The following DNAH2 variants were observed in gnomAD, a reference collection of about 807,000 sequenced individuals.
DNAH2 encodes the protein axonemal beta dynein heavy chain 2.
Under a neutral mutation model 523.5 loss-of-function variants are expected in DNAH2, and 323 were observed. The observed-to-expected ratio is 0.62, with a 90% CI of 0.56 to 0.68. DNAH2 has a LOEUF of 0.68. Ranked by LOEUF, DNAH2 falls within the 30% of genes least tolerant of loss-of-function variation. DNAH2 has a pLI of 0.00. For missense variants in DNAH2, 4,907 were observed against 5,701.5 expected (o/e 0.86, Z 4.49); for synonymous variants, 2,093 against 2,177.4 (o/e 0.96, Z 1.08).
intron 33 of DNAH2, 62 bp downstream of exon 33, chr17:7,777,696 A>C: frequency 9.5e-6 from 15 of 1,587,238 alleles, no homozygotes; most frequent in Admixed American, 1.7e-5. Context: ...CTTTTATTGC[A>C]TCCATGTTCT....
In DNAH2 at chr17:7,759,024, A is replaced by G; in HGVS notation, c.2348A>G (p.Glu783Gly). 1.2e-6 allele frequency: 2 copies of G among 1,614,152 alleles called. No individual in the cohort carries two copies. The highest frequency in any genetic ancestry group is 1.7e-6 in the Non-Finnish European group (2 of 1,180,036). The stretch of plus-strand genomic sequence containing the variant: ...CTGGAATTTGAAGAGGACCAAAGAG[A>G]GCATCGGGCAGCTGTACAGCAGAAA... The part of the protein sequence containing the change: ...RDLEFEEDQR[E>G]HRAAVQQKLM... Residue 783 changes from glutamate (E) to glycine (G), a missense_variant, in exon 15 of 86, where the codon GAG becomes GGG. By Grantham distance (98) the Glu-to-Gly change is moderately conservative (BLOSUM62 -2). Coordinates refer to ENST00000572933, the MANE Select transcript of DNAH2 (RefSeq NM_020877.5).
At position 7,800,882 on chromosome 17, in the gene DNAH2, T is replaced by A. The variant is rs1183549613; in HGVS notation, c.8700-696T>A. On this transcript the variant is annotated intron_variant, in intron 56 of 85. Coordinates refer to ENST00000572933, the MANE Select transcript of DNAH2 (RefSeq NM_020877.5). Reference sequence around the variant, plus strand: ...ACTCCGTCTCAAAAAAAAAAAAAAATTTTTTTTTGAGACCGAGTCTTGCTC... The same window carrying A: ...ACTCCGTCTCAAAAAAAAAAAAAAAATTTTTTTTGAGACCGAGTCTTGCTC... Among the ~76,000 whole-genome samples, 28 of 143,742 alleles carry A rather than the reference T, an allele frequency of 1.9e-4. 1 individual carries two copies. Among genetic ancestry groups the A allele is most frequent in the Admixed American group, 6.2e-4 (9 of 14,486 alleles). 94.3% of individuals were successfully genotyped at this position (143,742 alleles called of 152,430 possible).
intron 46 of DNAH2, 105 bp from the exon 47 acceptor site, chr17:7,792,552 A>C (rs990702697): frequency 2.3e-5 from 25 of 1,074,596 alleles, no homozygotes; most frequent in Non-Finnish European, 3.3e-5. Context: ...GCCCCACAGG[A>C]GGGCAGGGTG....
chr17:7,743,196 A>T (rs746571491), intron 12 of DNAH2, 54 bp downstream of exon 12: 1 of 1,568,460 alleles, frequency 6.4e-7, no homozygotes, highest in Non-Finnish European at 8.7e-7. Context: ...CAGCTCTCCC[A>T]AGAATTTCAC....
chr17:7,816,877 T>G (rs2151322044), intron 64 of DNAH2, 142 bp downstream of exon 64: 2,045 of 969,732 alleles, frequency 2.1e-3, no homozygotes, highest in Non-Finnish European at 2.8e-3. Context: ...GTGGGAGCTC[T>G]TCCCCTCCCC....
intron 7 of DNAH2, 29 bp downstream of exon 7, chr17:7,734,737 TC>T: frequency 6.2e-7 from 1 of 1,606,292 alleles, no homozygotes. Context: ...GGATTCAGGC[TC>T]AGCAAGAAGT....
intron 21 of DNAH2, among the ~76,000 whole-genome samples, chr17:7,765,800 A>C (rs1205329972): frequency 6.6e-6 from 1 of 150,618 alleles, no homozygotes; most frequent in Non-Finnish European, 1.5e-5. Flanking sequence ...TTTTTTTGAG[A>C]TGGAATCTCG....
chr17:7,817,889 C>A (rs375945692), intron 67 of DNAH2, 33 bp downstream of exon 67: 12 of 1,612,596 alleles, frequency 7.4e-6, no homozygotes, highest in South Asian at 2.2e-5. Flanking sequence ...TAGCCCCCCC[C>A]TTCCTGAGGC....
Position 7,721,884 on chromosome 17 carries a change from A to T in DNAH2, c.167-1744A>T, listed in dbSNP as rs188417664. Reference sequence around the variant, plus strand: ...GAAGGGCTGATTCCTATGAGCCCCAACTTCTCCATGTGGGAAGAGGAGTGG... The same window carrying T: ...GAAGGGCTGATTCCTATGAGCCCCATCTTCTCCATGTGGGAAGAGGAGTGG... On this transcript the variant is annotated intron_variant, in intron 2 of 85. Transcript: ENST00000572933. Among the ~76,000 whole-genome samples, 781 of 152,274 alleles carry T rather than the reference A, an allele frequency of 5.1e-3. 5 individuals are homozygous for T. Among genetic ancestry groups the T allele is most frequent in the Non-Finnish European group, 8.0e-3 (546 of 68,004 alleles).
At chr17:7,796,973 G>A (rs995992999) in intron 50 of DNAH2, among the ~76,000 whole-genome samples, 3 of 149,340 alleles carry the variant, frequency 2.0e-5, no homozygotes, top group Non-Finnish European at 3.0e-5. Flanking sequence ...ATGGTGGCAC[G>A]CGCCTGTAGT....
At chr17:7,817,746 C>A in intron 66 of DNAH2, 37 bp downstream of exon 66, 1 of 1,614,084 alleles carries the variant, frequency 6.2e-7, no homozygotes, top group Non-Finnish European at 8.5e-7. Flanking sequence ...GGTACGGGAG[C>A]ATGGGAGAGA....
rs2076139903 is a variant in DNAH2, at chr17:7,765,443, C to CT, written c.3390dup (p.Leu1131SerfsTer5). The CT allele has an allele frequency of 6.2e-7, 1 of 1,614,128 alleles. No individual in the cohort carries two copies. The highest frequency in any genetic ancestry group is 8.5e-7 in the Non-Finnish European group (1 of 1,180,050). ...GGGGAGTGGGTTGTCTTCCAACAAA[C>CT]TCTGCTGGACAGTAAGCAAATGCTG... On this transcript the variant is annotated frameshift_variant, in exon 21 of 86. Transcript: ENST00000572933. LOFTEE classifies it high-confidence loss of function.
At position 7,797,085 on chromosome 17, in the gene DNAH2, G is replaced by C; in HGVS notation, c.7864-91G>C. ...CCACTGCAGTCCAGCCTTGGAGACA[G>C]AGTGAGACTCTGTCCCAAAAAAAAA... On this transcript the variant is annotated intron_variant, in intron 50 of 85. Coordinates refer to ENST00000572933, the MANE Select transcript of DNAH2 (RefSeq NM_020877.5). The C allele has an allele frequency of 4.3e-6, 5 of 1,175,966 alleles. No individual in the cohort carries two copies. In the South Asian group the frequency reaches 5.4e-5, roughly 13 times the overall value. The allele number at this position is 1,175,966 out of a possible 1,614,324, so 72.8% of individuals were successfully genotyped here.
At chr17:7,804,609 G>T in intron 59 of DNAH2, 143 bp downstream of exon 59, 4 of 979,636 alleles carry the variant, frequency 4.1e-6, no homozygotes, top group Non-Finnish European at 4.5e-6. Context: ...ACTTTGGGAG[G>T]CTGAGGCAGG....
Position 7,786,270 on chromosome 17 carries a change from C to T in DNAH2, c.6276C>T (p.Ala2092=), listed in dbSNP as rs1468896240. 4 of 1,614,084 alleles carry T rather than the reference C, an allele frequency of 2.5e-6. No individual in the cohort carries two copies. The highest frequency in any genetic ancestry group is 2.2e-5 in the East Asian group (1 of 44,886). Residue 2092 remains alanine (A), a synonymous_variant, in exon 40 of 86, where the codon GCC becomes GCT. Transcript: ENST00000572933. This position sits in a 1 kb window ranked among gnomAD's most constrained non-coding sequence, Gnocchi z 7.5. The part of the protein sequence containing the change: ...IVGCTGSGKT[A]SWRILQASLS... ...GCTGCACGGGCAGCGGCAAGACTGCCTCATGGCGCATTCTACAGGCCTCCC... is the reference window on the plus strand; with the variant it reads ...GCTGCACGGGCAGCGGCAAGACTGCTTCATGGCGCATTCTACAGGCCTCCC...
chr17:7,791,785 C>T (rs561163643), intron 44 of DNAH2, 132 bp from the exon 45 acceptor site: 1 of 850,690 alleles, frequency 1.2e-6, no homozygotes, highest in Non-Finnish European at 1.8e-6. Context: ...ATTTGGAAAA[C>T]TGTGCGATTT....
intron 3 of DNAH2, among the ~76,000 whole-genome samples, chr17:7,725,558 G>A (rs889058781): frequency 4.0e-5 from 6 of 150,446 alleles, no homozygotes; most frequent in Admixed American, 6.6e-5. Flanking sequence ...TCAGCCTCCC[G>A]AGTAGCTGGG....
At chr17:7,792,173 C>T (rs531798048) in intron 45 of DNAH2, 79 bp from the exon 46 acceptor site, 18 of 1,599,562 alleles carry the variant, frequency 1.1e-5, no homozygotes, top group East Asian at 4.5e-5. Flanking sequence ...TTCTTCCACC[C>T]GGTGGTCTGG....
rs2074486188 is a variant in DNAH2 at position 7,718,409 on chromosome 17, A to G, written c.-405A>G. The G allele has an allele frequency of 6.6e-6, 1 of 152,208 alleles. No individual in the cohort carries two copies. Among genetic ancestry groups the G allele is most frequent in the Non-Finnish European group, 1.5e-5 (1 of 68,038 alleles). The allele number at this position is 152,208 out of a possible 1,614,324, so 9.4% of individuals were successfully genotyped here. On this transcript the variant is annotated 5_prime_UTR_variant, in exon 1 of 86. Coordinates refer to ENST00000572933, the MANE Select transcript of DNAH2 (RefSeq NM_020877.5). ...ATAACCTGAGATCAATGCCTGTGGCAGCCTGTGGGGATGAGGAAGGAGAGC... is the reference window on the plus strand; with the variant it reads ...ATAACCTGAGATCAATGCCTGTGGCGGCCTGTGGGGATGAGGAAGGAGAGC...
Sources: gnomAD v4.1 joint callset for allele counts (sites outside exome capture counted in the v4.1 genomes callset) on GRCh38, gnomAD v4.1.1 for gene constraint, Gnocchi (gnomAD v3.1) non-coding constraint, MANE v1.5 for transcripts, NCBI Gene and HGNC (gene_info 2026-07-23, HGNC 2026-07-21) for gene names.